MYH16: variants seen among roughly 807,000 people sequenced by gnomAD.
MYH16 encodes the protein myosin heavy chain 16.
chr7:99,275,657 C>G (rs1792101211), intron 20 of MYH16, among the ~76,000 whole-genome samples: 1 of 152,110 alleles, frequency 6.6e-6, no homozygotes, highest in African/African-American at 2.4e-5. Context: ...TCCTTCTGAG[C>G]AAGACATGGT....
chr7:99,300,826 C>T (rs914854606), intron 37 of MYH16, among the ~76,000 whole-genome samples: 1 of 152,000 alleles, frequency 6.6e-6, no homozygotes, highest in Non-Finnish European at 1.5e-5. Flanking sequence ...GTGGACAAAA[C>T]AGACAAACAT....
intron 21 of MYH16, 116 bp downstream of exon 3, chr7:99,277,828 A>G: frequency 2.8e-6 from 1 of 361,792 alleles, no homozygotes. Context: ...GAAATTCTCC[A>G]GCATACAAAG....
intron 14 of MYH16, among the ~76,000 whole-genome samples, chr7:99,264,091 G>C (rs1202334530): frequency 6.6e-6 from 1 of 152,166 alleles, no homozygotes; most frequent in African/African-American, 2.4e-5. Context: ...ATCACTCCCC[G>C]GTAGATCTCA....
chr7:99,291,572 C>T (rs1204940665), intron 31 of MYH16, 122 bp downstream of exon 12: 6 of 357,224 alleles, frequency 1.7e-5, no homozygotes, highest in Non-Finnish European at 3.3e-5. Flanking sequence ...GTGGGAGGTT[C>T]GCTTAAGGCC....
chr7:99,240,096 T>C (rs1160521443), intron 1 of MYH16, among the ~76,000 whole-genome samples: 1 of 151,336 alleles, frequency 6.6e-6, no homozygotes, highest in African/African-American at 2.5e-5. Context: ...CAGGGTCTCT[T>C]GTATTCTTGG....
intron 28 of MYH16, among the ~76,000 whole-genome samples, chr7:99,286,788 A>G (rs1334310462): frequency 1.4e-5 from 2 of 143,378 alleles, no homozygotes; most frequent in East Asian, 3.9e-4. Flanking sequence ...GCAAAAGCCC[A>G]TCTCTCAAAA....
exon 24 of MYH16, chr7:99,283,631 C>G (rs1792233672): frequency 2.2e-6 from 1 of 456,534 alleles, no homozygotes; most frequent in Non-Finnish European, 4.4e-6. Flanking sequence ...TAACAGCAAG[C>G]TGAGCACGCA....
chr7:99,252,932 C>A (rs555944295), intron 7 of MYH16: 1 of 152,586 alleles, frequency 6.6e-6, no homozygotes, highest in East Asian at 1.9e-4. Flanking sequence ...TCTGTGAGGC[C>A]TGGTGCAACA....
intron 20 of MYH16, among the ~76,000 whole-genome samples, chr7:99,275,027 C>G (rs1161371155): frequency 4.6e-5 from 7 of 152,058 alleles, no homozygotes; most frequent in Admixed American, 2.6e-4. Context: ...CAGGGTCTCA[C>G]TCTGTTGCCC....
intron 21 of MYH16, among the ~76,000 whole-genome samples, chr7:99,278,492 C>T (rs1251927778): frequency 6.6e-6 from 1 of 152,202 alleles, no homozygotes; most frequent in Non-Finnish European, 1.5e-5. Flanking sequence ...GACTAAATGT[C>T]CTGCAGTGAA....
At chr7:99,294,515 A>G (rs1371508661) in intron 33 of MYH16, among the ~76,000 whole-genome samples, 82 of 137,940 alleles carry the variant, frequency 5.9e-4, no homozygotes, top group African/African-American at 2.3e-3. Context: ...AAAAAAAAAA[A>G]AAAAAAAAAG....
chr7:99,295,647 G>T (rs1792474655), intron 33 of MYH16, among the ~76,000 whole-genome samples: 1 of 151,974 alleles, frequency 6.6e-6, no homozygotes, highest in Non-Finnish European at 1.5e-5. Flanking sequence ...GGCCACGTAG[G>T]CAGGAGGTCA....
chr7:99,297,773 G>T, exon 35 of MYH16: 1 of 456,728 alleles, frequency 2.2e-6, no homozygotes, highest in South Asian at 1.5e-5. Context: ...GGTGGCCCTG[G>T]AAGAAGCTGA....
intron 23 of MYH16, among the ~76,000 whole-genome samples, chr7:99,282,985 T>C (rs953300660): frequency 3.3e-5 from 5 of 152,186 alleles, no homozygotes; most frequent in Non-Finnish European, 7.3e-5. Context: ...GAGTTCTTCA[T>C]GGTACCAGAT....
At chr7:99,277,274 C>T (rs1403124951) in intron 20 of MYH16, among the ~76,000 whole-genome samples, 1 of 152,168 alleles carries the variant, frequency 6.6e-6, no homozygotes, top group African/African-American at 2.4e-5. Flanking sequence ...CACCTAACTC[C>T]ATGTCCCTCA....
At chr7:99,246,216 AAAAG>A (rs1366121131) in intron 2 of MYH16, among the ~76,000 whole-genome samples, 3 of 151,570 alleles carry the variant, frequency 2.0e-5, no homozygotes, top group Admixed American at 6.6e-5. Flanking sequence ...TAAAAAAAAA[AAAAG>A]AAAGAAAAGA....
intron 1 of MYH16, among the ~76,000 whole-genome samples, chr7:99,240,235 G>T (rs922964276): frequency 2.0e-5 from 3 of 152,028 alleles, no homozygotes; most frequent in African/African-American, 4.8e-5. Flanking sequence ...ACCTGTGTAC[G>T]TTGCAAAAAT....
intron 11 of MYH16, chr7:99,260,039 G>T: frequency 2.9e-6 from 2 of 678,930 alleles, no homozygotes; most frequent in South Asian, 1.7e-5. Flanking sequence ...GGCACTTAGG[G>T]CAGTGCCTGA....
chr7:99,256,836 A>T (rs1290472943), intron 9 of MYH16, among the ~76,000 whole-genome samples: 1 of 151,982 alleles, frequency 6.6e-6, no homozygotes, highest in Non-Finnish European at 1.5e-5. Flanking sequence ...CTGTTATCCC[A>T]GGTACCTGGG....
Sources: gnomAD v4.1 joint callset for allele counts (sites outside exome capture counted in the v4.1 genomes callset) on GRCh38, gnomAD v4.1.1 for gene constraint, MANE v1.5 for transcripts, NCBI Gene and HGNC (gene_info 2026-07-23, HGNC 2026-07-21) for gene names.